ITGB8: variants seen among roughly 807,000 people sequenced by gnomAD.
The protein encoded by ITGB8 is integrin beta-8.
In ITGB8, 30 loss-of-function variants were observed where a neutral mutation model predicts 89.5. The observed-to-expected ratio is 0.34, with a 90% CI of 0.25 to 0.45. ITGB8 has a LOEUF of 0.45. Among genes scored for constraint, ITGB8 ranks in the 20% least tolerant of loss-of-function variants. The probability of loss-of-function intolerance (pLI) is 1.00; values close to 1 mark genes in which losing one functional copy is unlikely to be tolerated. For missense variants in ITGB8, 836 were observed against 933.3 expected, an observed-to-expected ratio of 0.90 and a Z score of 1.36; for synonymous variants, 335 against 320.4, an observed-to-expected ratio of 1.05 and a Z score of -0.49.
At chr7:20,338,903 A>T (rs1364731271) in intron 1 of ITGB8, among the ~76,000 whole-genome samples, 1 of 151,340 alleles carries the variant, frequency 6.6e-6, no homozygotes, top group Non-Finnish European at 1.5e-5. Flanking sequence ...TTTAAAAAAT[A>T]TCTTAGAAGG....
Position 20,379,378 on chromosome 7 carries a change from C to A in ITGB8, c.635+81C>A, listed in dbSNP as rs190826265. ...CTTTGTTTTTAATGTAAAGAACTTA[C>A]CAAATTTTATATTTTTATCTTATAA... On this transcript the variant is annotated intron_variant, in intron 4 of 13. Coordinates refer to ENST00000222573, the MANE Select transcript of ITGB8 (RefSeq NM_002214.3). The A allele has an allele frequency of 7.4e-3, 6,464 of 874,450 alleles. 29 individuals carry two copies. The highest frequency in any genetic ancestry group is 8.8e-3 in the Non-Finnish European group (5,536 of 629,012). 54.2% of individuals were successfully genotyped at this position (874,450 alleles called of 1,614,324 possible).
intron 1 of ITGB8, among the ~76,000 whole-genome samples, chr7:20,358,062 TTCAAGCAATTCTCC>T (rs1243786243): frequency 6.6e-6 from 1 of 151,918 alleles, no homozygotes; most frequent in South Asian, 2.1e-4. Flanking sequence ...GCCTCCCGAG[TTCAAGCAATTCTCC>T]TGCCTCAGCC....
chr7:20,331,857 A>G lies in ITGB8; in HGVS notation c.51A>G (p.Gln17=). 11 of 1,614,000 alleles carry G rather than the reference A, an allele frequency of 6.8e-6. No individual in the cohort carries two copies. Among genetic ancestry groups the G allele is most frequent in the Admixed American group, 1.7e-5 (1 of 60,032 alleles). The change falls in exon 1 of 14, where the codon CAA becomes CAG. Residue 17 remains glutamine, a synonymous_variant. Coordinates refer to ENST00000222573, the MANE Select transcript of ITGB8 (RefSeq NM_002214.3). The part of the protein sequence containing the change: ...AFFTAAFVCL[Q]NDRRGPASFL... ...TTACCGCTGCATTTGTCTGCCTGCA[A>G]AACGACCGGCGAGGTCCCGCCTCGT... is the stretch of plus-strand genomic sequence containing the variant.
intron 1 of ITGB8, among the ~76,000 whole-genome samples, chr7:20,357,059 T>G (rs2128134164): frequency 1.3e-5 from 2 of 152,308 alleles, no homozygotes; most frequent in Admixed American, 1.3e-4. Flanking sequence ...TTTATTATAC[T>G]TTATGACAGA....
At chr7:20,378,938 T>C (rs1470976182) in intron 3 of ITGB8, 113 bp from the exon 4 acceptor site, 1 of 600,022 alleles carries the variant, frequency 1.7e-6, no homozygotes, top group African/African-American at 1.9e-5. Context: ...CCAAATTTTA[T>C]GTGCAAATTT....
chr7:20,354,182 G>A (rs910897813), intron 1 of ITGB8, among the ~76,000 whole-genome samples: 9 of 152,096 alleles, frequency 5.9e-5, no homozygotes, highest in Non-Finnish European at 1.2e-4. Flanking sequence ...GTGTATTCTA[G>A]TATATTGAGT....
chr7:20,382,189 A>C (rs1007660585), intron 6 of ITGB8: 2 of 215,642 alleles, frequency 9.3e-6, no homozygotes, highest in African/African-American at 2.3e-5. Context: ...AAGACAGGGG[A>C]AAAAAGTATA....
intron 6 of ITGB8, 87 bp downstream of exon 6, chr7:20,381,972 G>A (rs1786417223): frequency 9.1e-7 from 1 of 1,096,320 alleles, no homozygotes; most frequent in South Asian, 1.5e-5. Context: ...TTTGTACCAG[G>A]AAATTACCTA....
At chr7:20,376,726 A>T (rs1375261782) in intron 3 of ITGB8, among the ~76,000 whole-genome samples, 4 of 152,146 alleles carry the variant, frequency 2.6e-5, no homozygotes, top group Admixed American at 6.5e-5. Flanking sequence ...CCTTGAATTG[A>T]CTACTTAAAG....
At position 20,350,340 on chromosome 7, in the gene ITGB8, G is replaced by A. The variant is rs145288969; in HGVS notation, c.128-13297G>A. 5.9e-3 allele frequency among the ~76,000 whole-genome samples: 894 copies of A among 152,270 alleles called. 25 individuals are homozygous for A. Among genetic ancestry groups the A allele is most frequent in the Admixed American group, 0.048 (734 of 15,298 alleles). ...TTTTTGTATTTTTAGTAGAGACGGG[G>A]TTTTGCCATGTTGGTCAGGCTGGTC... On this transcript the variant is annotated intron_variant, in intron 1 of 13. Coordinates refer to ENST00000222573, the MANE Select transcript of ITGB8 (RefSeq NM_002214.3).
chr7:20,406,062 G>T lies in ITGB8; in HGVS notation c.1914G>T (p.Trp638Cys). Residue 638 changes from tryptophan to cysteine, a missense_variant and splice_region_variant, in exon 12 of 14, where the codon TGG (tryptophan) becomes TGT (cysteine). Physicochemically the swap from Trp to Cys is radical, Grantham distance 215. Transcript: ENST00000222573. ...TTTTCACTTCTGTTTCCCCTTGCAGGAATTGTATGCAATGCCTTCACCCTC... is the reference window on the plus strand; with the variant it reads ...TTTTCACTTCTGTTTCCCCTTGCAGTAATTGTATGCAATGCCTTCACCCTC... ...PTCYTACKEN[W>C]NCMQCLHPHN... is the part of the protein sequence containing the mutation. 6.4e-7 allele frequency: 1 copy of T among 1,570,514 alleles called. No homozygotes were observed.
intron 1 of ITGB8, among the ~76,000 whole-genome samples, chr7:20,347,741 G>A (rs551302178): frequency 6.1e-4 from 93 of 152,306 alleles, no homozygotes; most frequent in Non-Finnish European, 1.1e-3. Context: ...CAGAAGCTTG[G>A]GTGAGAGTTT....
Position 20,409,995 on chromosome 7 carries a change from TA to T in ITGB8, c.*5del, listed in dbSNP as rs770665724. On this transcript the variant is annotated frameshift_variant and stop_lost, in exon 14 of 14. Coordinates refer to ENST00000222573, the MANE Select transcript of ITGB8 (RefSeq NM_002214.3). LOFTEE classifies it high-confidence loss of function. ...TCATGAAACTTTCAGGTGCAACTTC[TA>T]AAAAAAGATTTTTAAACACTTAATG... ...NAHETFRCNF[*>X] 5 of 1,604,710 alleles carry T rather than the reference TA, an allele frequency of 3.1e-6. No individual in the cohort carries two copies. The highest frequency in any genetic ancestry group is 4.2e-6 in the Non-Finnish European group (5 of 1,177,354).
intron 4 of ITGB8, chr7:20,379,928 C>T (rs1382885343): frequency 6.6e-6 from 1 of 152,176 alleles, no homozygotes; most frequent in Admixed American, 6.5e-5. Flanking sequence ...GTGTCTCACA[C>T]AATATTGCCA....
intron 10 of ITGB8, among the ~76,000 whole-genome samples, chr7:20,403,329 T>C (rs1040601028): frequency 6.6e-6 from 1 of 152,350 alleles, no homozygotes; most frequent in Admixed American, 6.5e-5. Flanking sequence ...GTCCCACAGC[T>C]GTCAATCTCT....
intron 1 of ITGB8, among the ~76,000 whole-genome samples, chr7:20,339,496 AC>A (rs2128126589): frequency 6.6e-6 from 1 of 152,320 alleles, no homozygotes; most frequent in Non-Finnish European, 1.5e-5. Context: ...AAACAGACCC[AC>A]CTTTTAACAA....
rs1267698916 is a variant in ITGB8 at position 20,331,203 on chromosome 7, G to C, written c.-604G>C. The C allele has an allele frequency of 5.2e-6, 1 of 192,074 alleles. No individual in the cohort carries two copies. The highest frequency in any genetic ancestry group is 1.1e-5 in the Non-Finnish European group (1 of 94,668). The allele number at this position is 192,074 out of a possible 1,614,324, so 11.9% of individuals were successfully genotyped here. On this transcript the variant is annotated 5_prime_UTR_variant, in exon 1 of 14. Transcript: ENST00000222573. ...GGACGCTGCCGACTTGTCTTTGCCC[G>C]CTGCTCCGCAGACGGGGCTGCAAAG...
chr7:20,357,032 C>A lies in ITGB8; in HGVS notation c.128-6605C>A, dbSNP rs144562150. 5.6e-3 allele frequency among the ~76,000 whole-genome samples: 854 copies of A among 152,218 alleles called. 9 individuals are homozygous for A. The highest frequency in any genetic ancestry group is 0.02 in the African/African-American group (812 of 41,544). On this transcript the variant is annotated intron_variant, in intron 1 of 13. Coordinates refer to ENST00000222573, the MANE Select transcript of ITGB8 (RefSeq NM_002214.3). Reference sequence around the variant, plus strand: ...TTTTCCTGACTTTTGTGTACTCTATCCTGTTGATGATGGATATTTATTATA... The same window carrying A: ...TTTTCCTGACTTTTGTGTACTCTATACTGTTGATGATGGATATTTATTATA...
At chr7:20,352,918 T>C (rs1232606828) in intron 1 of ITGB8, 4 of 152,222 alleles carry the variant, frequency 2.6e-5, no homozygotes, top group Non-Finnish European at 2.9e-5. Context: ...CAGAGCTTTT[T>C]CAATGCAAAG....
Sources: allele counts gnomAD v4.1 joint callset (sites outside exome capture counted in the v4.1 genomes callset), GRCh38; gene constraint gnomAD v4.1.1; transcripts MANE v1.5; gene names NCBI Gene and HGNC (gene_info 2026-07-23, HGNC 2026-07-21).